MRPS9: variants seen among roughly 807,000 people sequenced by gnomAD.
The protein encoded by MRPS9 is mitochondrial ribosomal protein S9.
Under a neutral mutation model 59.9 loss-of-function variants are expected in MRPS9, and 45 were observed. That is an observed-to-expected ratio of 0.75 (90% CI 0.59 to 0.96). MRPS9 has a LOEUF of 0.96. Ranked by LOEUF, MRPS9 falls within the 40% of genes least tolerant of loss-of-function variation. MRPS9 has a pLI of 0.00. For missense variants in MRPS9, 473 were observed against 481.1 expected, an observed-to-expected ratio of 0.98 and a Z score of 0.16; for synonymous variants, 171 against 166.8, an observed-to-expected ratio of 1.03 and a Z score of -0.19.
intron 1 of MRPS9, among the ~76,000 whole-genome samples, chr2:105,040,012 C>T (rs540174640): frequency 3.0e-4 from 45 of 152,280 alleles, no homozygotes; most frequent in African/African-American, 1.1e-3. Flanking sequence ...AAGGGATGGT[C>T]CTGAAATGGC....
intron 2 of MRPS9, among the ~76,000 whole-genome samples, chr2:105,051,383 T>A (rs1262576947): frequency 6.6e-6 from 1 of 152,212 alleles, no homozygotes. Flanking sequence ...CTTATTTTAT[T>A]CCATTGATCT....
intron 2 of MRPS9, among the ~76,000 whole-genome samples, chr2:105,053,575 A>T (rs2104443794): frequency 6.6e-6 from 1 of 152,318 alleles, no homozygotes; most frequent in East Asian, 1.9e-4. Context: ...TGGTGATTCC[A>T]TCTAGAATAC....
intron 4 of MRPS9, among the ~76,000 whole-genome samples, chr2:105,079,042 G>C (rs1246436453): frequency 6.6e-6 from 1 of 152,074 alleles, no homozygotes; most frequent in African/African-American, 2.4e-5. Context: ...TTTCATGCGG[G>C]GGCGGAAATT....
At chr2:105,052,046 T>G (rs1365860230) in intron 2 of MRPS9, among the ~76,000 whole-genome samples, 1 of 152,156 alleles carries the variant, frequency 6.6e-6, no homozygotes, top group African/African-American at 2.4e-5. Flanking sequence ...ACTACAAGAA[T>G]TAGTAGGATA....
rs1221297039 is a variant in MRPS9, at chr2:105,042,580, G to T, written c.135+4353G>T. On this transcript the variant is annotated intron_variant, in intron 1 of 10. Coordinates refer to ENST00000258455, the MANE Select transcript of MRPS9 (RefSeq NM_182640.3). ...TTTCTTCTATGGTTCTTATGTGTGG[G>T]CATATATGGGTACCTATGTGTGTGC... 3.3e-5 allele frequency among the ~76,000 whole-genome samples: 5 copies of T among 152,246 alleles called. No individual in the cohort carries two copies. The East Asian group carries it at 9.6e-4, about 29-fold the overall frequency.
chr2:105,085,005 A>G (rs934660344), intron 5 of MRPS9, among the ~76,000 whole-genome samples: 1 of 152,160 alleles, frequency 6.6e-6, no homozygotes, highest in Non-Finnish European at 1.5e-5. Context: ...AATAGTAAAA[A>G]TATATGCTGT....
chr2:105,046,827 G>A (rs944334774), intron 1 of MRPS9, among the ~76,000 whole-genome samples: 4 of 151,924 alleles, frequency 2.6e-5, no homozygotes, highest in East Asian at 1.9e-4. Context: ...CATCCTTTTG[G>A]CAATGGAACA....
intron 5 of MRPS9, among the ~76,000 whole-genome samples, chr2:105,084,406 C>A (rs958182269): frequency 2.0e-5 from 3 of 152,008 alleles, no homozygotes; most frequent in African/African-American, 7.2e-5. Flanking sequence ...ATCTCCAGTT[C>A]ATTTTAAAGG....
In MRPS9 at chr2:105,066,942, A is replaced by G. The variant is rs1347966285; in HGVS notation, c.316-4371A>G. 3.3e-5 allele frequency among the ~76,000 whole-genome samples: 5 copies of G among 152,198 alleles called. No individual in the cohort carries two copies. In the East Asian group the frequency reaches 9.6e-4, roughly 29 times the overall value. On this transcript the variant is annotated intron_variant, in intron 2 of 10. Transcript: ENST00000258455. ...TTATTTTGAAACTTTTCAAATTTCC[A>G]GAAAAGTTGAATATTCATTGAATAA...
chr2:105,042,946 T>C (rs527301550), intron 1 of MRPS9, among the ~76,000 whole-genome samples: 26 of 152,332 alleles, frequency 1.7e-4, no homozygotes, highest in African/African-American at 6.3e-4. Flanking sequence ...CCAGTCTTGT[T>C]TTTATTTCTC....
At chr2:105,076,735 A>G (rs1054577386) in intron 4 of MRPS9, among the ~76,000 whole-genome samples, 2 of 152,244 alleles carry the variant, frequency 1.3e-5, no homozygotes, top group African/African-American at 2.4e-5. Flanking sequence ...CACAAAAACT[A>G]AAGGACAAAG....
At chr2:105,087,943 A>G (rs1680481461) in intron 5 of MRPS9, among the ~76,000 whole-genome samples, 1 of 152,114 alleles carries the variant, frequency 6.6e-6, no homozygotes, top group African/African-American at 2.4e-5. Flanking sequence ...ATAAAACTTT[A>G]TCAGCAACAT....
Position 105,097,169 on chromosome 2 carries a change from T to G in MRPS9, c.944T>G (p.Phe315Cys). The change falls in exon 10 of 11, where the codon TTC becomes TGC. Residue 315 changes from phenylalanine (F) to cysteine (C), a missense_variant. Phe to Cys is a radical substitution (Grantham distance 205). Transcript: ENST00000258455. ...PITQDREQLMFPFHFVDRLGK... is the reference protein window; with the variant it reads ...PITQDREQLMCPFHFVDRLGK... ...CTGTGCTTTAGAGAACAGCTGATGT[T>G]CCCTTTCCACTTTGTTGACCGGCTG... 1 of 1,583,802 alleles carries G rather than the reference T, an allele frequency of 6.3e-7. No individual in the cohort carries two copies. The highest frequency in any genetic ancestry group is 8.6e-7 in the Non-Finnish European group (1 of 1,165,582).
At chr2:105,057,375 C>A (rs954362264) in intron 2 of MRPS9, among the ~76,000 whole-genome samples, 4 of 152,132 alleles carry the variant, frequency 2.6e-5, no homozygotes, top group South Asian at 2.1e-4. Context: ...AAATGTTGAT[C>A]AGTGTGTAAA....
chr2:105,090,039 G>T lies in MRPS9; in HGVS notation c.651+44G>T, dbSNP rs759364644. ...TAATTTAAGGGGACCTATGCAATAA[G>T]AATACAGACAATTGCTGTATTTAGG... On this transcript the variant is annotated intron_variant, in intron 7 of 10. Transcript: ENST00000258455. The T allele has an allele frequency of 2.7e-6, 3 of 1,129,748 alleles. No homozygotes were observed. The Admixed American group carries it at 6.0e-5, about 22-fold the overall frequency. 70.0% of individuals were successfully genotyped at this position (1,129,748 alleles called of 1,614,324 possible).
intron 2 of MRPS9, among the ~76,000 whole-genome samples, chr2:105,054,655 C>CT (rs1483128222): frequency 2.2e-5 from 2 of 90,084 alleles, no homozygotes; most frequent in Non-Finnish European, 4.6e-5. Flanking sequence ...TAGCGGGCCC[C>CT]TTTTGGTATC....
intron 5 of MRPS9, among the ~76,000 whole-genome samples, chr2:105,087,800 T>TTCCTTCCTTCCTTCC (rs140899289): frequency 7.2e-5 from 10 of 138,698 alleles, no homozygotes; most frequent in African/African-American, 2.4e-4. Flanking sequence ...TCCTGCCTTT[T>TTCCTTCCTTCCTTCC]TTCCTTCCTT....
chr2:105,066,477 C>T (rs868277326), intron 2 of MRPS9, among the ~76,000 whole-genome samples: 1 of 152,188 alleles, frequency 6.6e-6, no homozygotes, highest in African/African-American at 2.4e-5. Context: ...TCAGTTTCCA[C>T]CAATTAGCTT....
intron 5 of MRPS9, among the ~76,000 whole-genome samples, chr2:105,084,798 T>C (rs561411398): frequency 1.3e-5 from 2 of 152,326 alleles, no homozygotes; most frequent in African/African-American, 2.4e-5. Flanking sequence ...ATTGCTGTTA[T>C]AGAGGTGTCT....
Sources: allele counts gnomAD v4.1 joint callset (sites outside exome capture counted in the v4.1 genomes callset), GRCh38; gene constraint gnomAD v4.1.1; transcripts MANE v1.5; gene names NCBI Gene and HGNC (gene_info 2026-07-23, HGNC 2026-07-21).